ARHGAP23: variants seen among roughly 807,000 people sequenced by gnomAD.
ARHGAP23 encodes the protein Rho GTPase activating protein 23.
Under a neutral mutation model 136.3 loss-of-function variants are expected in ARHGAP23, and 34 were observed. That is an observed-to-expected ratio of 0.25 (90% CI 0.19 to 0.33). ARHGAP23 has a LOEUF of 0.33. ARHGAP23 is among the 10% of genes least tolerant of loss of function. ARHGAP23 has a pLI of 1.00. For missense variants in ARHGAP23, 1,808 were observed against 2,139.0 expected, an observed-to-expected ratio of 0.85 and a Z score of 3.05; for synonymous variants, 832 against 920.5, an observed-to-expected ratio of 0.90 and a Z score of 1.74.
At chr17:38,497,900 G>A in intron 21 of ARHGAP23, 74 bp downstream of exon 21, 1 of 1,470,620 alleles carries the variant, frequency 6.8e-7, no homozygotes, top group Non-Finnish European at 9.3e-7. Context: ...GGTGGGGCAG[G>A]CAGCGGGACT....
chr17:38,496,295 T>C (rs1052673797), intron 20 of ARHGAP23, among the ~76,000 whole-genome samples: 1 of 123,304 alleles, frequency 8.1e-6, no homozygotes, highest in African/African-American at 2.7e-5. Context: ...ATGCTTGTAA[T>C]CCCAAAATCT....
chr17:38,507,172 G>C (rs2040652009), intron 23 of ARHGAP23, among the ~76,000 whole-genome samples: 1 of 151,900 alleles, frequency 6.6e-6, no homozygotes, highest in African/African-American at 2.4e-5. Context: ...TACTCGGGAG[G>C]CTGAGTCATG....
chr17:38,437,795 A>G (rs368607125), intron 1 of ARHGAP23, among the ~76,000 whole-genome samples: 1 of 147,414 alleles, frequency 6.8e-6, no homozygotes. Context: ...GGCATAACGA[A>G]GGGGGGGGAG....
intron 1 of ARHGAP23, among the ~76,000 whole-genome samples, chr17:38,453,204 G>C (rs1055211348): frequency 4.6e-5 from 7 of 152,114 alleles, no homozygotes; most frequent in African/African-American, 7.2e-5. Context: ...GCGGATGTCT[G>C]AGGTGTGTGT....
chr17:38,496,357 C>G (rs1469335568), intron 20 of ARHGAP23, among the ~76,000 whole-genome samples: 1 of 151,786 alleles, frequency 6.6e-6, no homozygotes, highest in Non-Finnish European at 1.5e-5. Flanking sequence ...GCCTGTAGTC[C>G]CAGCTATTCA....
intron 23 of ARHGAP23, among the ~76,000 whole-genome samples, chr17:38,501,721 A>G (rs896210796): frequency 2.0e-5 from 3 of 152,130 alleles, no homozygotes; most frequent in South Asian, 2.1e-4. Context: ...GAAAAAATAG[A>G]TAACCTGAAT....
At chr17:38,439,141 C>G (rs553897839) in intron 1 of ARHGAP23, among the ~76,000 whole-genome samples, 1 of 151,612 alleles carries the variant, frequency 6.6e-6, no homozygotes, top group South Asian at 2.1e-4. Context: ...CGCACCATAG[C>G]ACTCCAGCCT....
At chr17:38,473,906 G>A (rs557982874) in intron 11 of ARHGAP23, among the ~76,000 whole-genome samples, 64 of 152,176 alleles carry the variant, frequency 4.2e-4, no homozygotes, top group Non-Finnish European at 8.8e-4. Flanking sequence ...CCTGTCCAGG[G>A]TTTTATTATT....
chr17:38,504,120 G>T (rs1597851479), intron 23 of ARHGAP23, among the ~76,000 whole-genome samples: 2 of 152,180 alleles, frequency 1.3e-5, no homozygotes, highest in Admixed American at 6.5e-5. Context: ...TGGTGCTCTG[G>T]TATCTGAGTT....
Position 38,466,516 on chromosome 17 carries a change from C to T in ARHGAP23, c.833C>T (p.Pro278Leu), listed in dbSNP as rs746597247. The change falls in exon 7 of 24, where the codon CCC (proline) becomes CTC (leucine). Residue 278 changes from proline (P) to leucine (L), a missense_variant. Coordinates refer to ENST00000622683, the MANE Select transcript of ARHGAP23 (RefSeq NM_001199417.2). ...RAFPEPGSRVPPSRLECQQAL... is the reference protein window; with the variant it reads ...RAFPEPGSRVLPSRLECQQAL... ...TTCCCAGAGCCTGGCAGCCGGGTGC[C>T]CCCCAGCAGACTGGAGTGCCAGCAG... The T allele has an allele frequency of 4.7e-6, 7 of 1,479,362 alleles. No individual in the cohort carries two copies. Among genetic ancestry groups the T allele is most frequent in the Non-Finnish European group, 6.3e-6 (7 of 1,117,960 alleles). 91.6% of individuals were successfully genotyped at this position (1,479,362 alleles called of 1,614,324 possible). A position where few individuals can be genotyped will look rare whatever the true frequency, so the allele number is the denominator to read the frequency against.
rs573106300 is a variant in ARHGAP23, at chr17:38,498,630, C to T, written c.3415+120C>T. 67 of 855,898 alleles carry T rather than the reference C, an allele frequency of 7.8e-5. No individual in the cohort carries two copies. In the East Asian group the frequency reaches 1.3e-3, roughly 17 times the overall value. 53.0% of individuals were successfully genotyped at this position (855,898 alleles called of 1,614,324 possible). A position where few individuals can be genotyped will look rare whatever the true frequency, so the allele number is the denominator to read the frequency against. ...CCACCCCAGCGGGGCCCTCCCCTGC[C>T]GGCCACCATGGAGATGGGGCTGTTG... On this transcript the variant is annotated intron_variant, in intron 22 of 23. Coordinates refer to ENST00000622683, the MANE Select transcript of ARHGAP23 (RefSeq NM_001199417.2).
At position 38,504,978 on chromosome 17, in the gene ARHGAP23, C is replaced by CTTTTTTTTTTTTTTT. The variant is rs71138627; in HGVS notation, c.3447+4381_3447+4395dup. Among the ~76,000 whole-genome samples the CTTTTTTTTTTTTTTT allele has an allele frequency of 1.9e-4, 8 of 43,112 alleles. 1 individual carries two copies. Among genetic ancestry groups the CTTTTTTTTTTTTTTT allele is most frequent in the Admixed American group, 4.4e-4 (1 of 2,262 alleles). 28.3% of individuals were successfully genotyped at this position (43,112 alleles called of 152,430 possible). ...ATTACTCAGAAGCCTCCCTTATCAT[C>CTTTTTTTTTTTTTTT]TTTTTTTTTTTTTTTTTTTTTTTTT... On this transcript the variant is annotated intron_variant, in intron 23 of 23. Coordinates refer to ENST00000622683, the MANE Select transcript of ARHGAP23 (RefSeq NM_001199417.2).
At chr17:38,474,524 G>A (rs1381935680) in intron 11 of ARHGAP23, among the ~76,000 whole-genome samples, 1 of 152,124 alleles carries the variant, frequency 6.6e-6, no homozygotes, top group Middle Eastern at 3.2e-3. Flanking sequence ...GCATACTGGA[G>A]GAACAGGTTT....
At chr17:38,499,646 T>G (rs1184108002) in intron 22 of ARHGAP23, among the ~76,000 whole-genome samples, 1 of 152,046 alleles carries the variant, frequency 6.6e-6, no homozygotes, top group Non-Finnish European at 1.5e-5. Context: ...AGGGACCCCA[T>G]GTCTCTTCTA....
chr17:38,469,895 C>T lies in ARHGAP23; in HGVS notation c.1965C>T (p.Phe655=). Residue 655 remains phenylalanine, a synonymous_variant, in exon 10 of 24, where the codon TTC becomes TTT. Transcript: ENST00000622683. ...IPSLRMLRSF[F]TDGSLDSWGT... ...GCCTGCGGATGCTCCGGAGCTTCTT[C>T]ACCGACGGGGTGAGAGCTGCAAGTG... 1 of 1,551,712 alleles carries T rather than the reference C, an allele frequency of 6.4e-7. No homozygotes were observed. Among genetic ancestry groups the T allele is most frequent in the South Asian group, 1.2e-5 (1 of 84,068 alleles).
At chr17:38,480,614 ACAGAGCGAGACT>A (rs2040014007) in intron 14 of ARHGAP23, among the ~76,000 whole-genome samples, 1 of 151,566 alleles carries the variant, frequency 6.6e-6, no homozygotes, top group East Asian at 1.9e-4. Context: ...AGCCTGGGTG[ACAGAGCGAGACT>A]CCATCTCAAA....
intron 1 of ARHGAP23, among the ~76,000 whole-genome samples, chr17:38,449,687 G>A (rs2039116595): frequency 1.3e-5 from 2 of 152,202 alleles, no homozygotes; most frequent in African/African-American, 4.8e-5. Flanking sequence ...TGTGTGCGAG[G>A]TTGTGGAGTG....
intron 23 of ARHGAP23, among the ~76,000 whole-genome samples, chr17:38,503,934 A>G (rs2040574309): frequency 6.6e-6 from 1 of 152,256 alleles, no homozygotes; most frequent in South Asian, 2.1e-4. Context: ...CAGTATGCAG[A>G]TAACTTTTCA....
upstream of ARHGAP23, among the ~76,000 whole-genome samples, chr17:38,427,392 G>C (rs1360388598): frequency 6.6e-6 from 1 of 152,074 alleles, no homozygotes; most frequent in Non-Finnish European, 1.5e-5. Flanking sequence ...TTGAACCTGG[G>C]GGCAGAGGTT....
Sources: gnomAD v4.1 joint callset for allele counts (sites outside exome capture counted in the v4.1 genomes callset) on GRCh38, gnomAD v4.1.1 for gene constraint, MANE v1.5 for transcripts, NCBI Gene and HGNC (gene_info 2026-07-23, HGNC 2026-07-21) for gene names.